The following CA10 variants were observed in gnomAD, a reference collection of about 807,000 sequenced individuals.
CA10 encodes the protein carbonic anhydrase-related protein 10.
Under a neutral mutation model 44.2 loss-of-function variants are expected in CA10, and 14 were observed. The observed-to-expected ratio is 0.32, with a 90% CI of 0.21 to 0.50. The LOEUF (loss-of-function observed/expected upper bound fraction) is 0.50, where lower values mean the gene tolerates loss of function less well. Among genes scored for constraint, CA10 ranks in the 20% least tolerant of loss-of-function variants. CA10 has a pLI of 0.99. For missense variants in CA10, 350 were observed against 409.7 expected (o/e 0.85, Z 1.26); for synonymous variants, 159 against 141.6 (o/e 1.12, Z -0.87).
chr17:51,685,533 G>A (rs1454157770), intron 4 of CA10, among the ~76,000 whole-genome samples: 1 of 152,166 alleles, frequency 6.6e-6, no homozygotes, highest in Non-Finnish European at 1.5e-5. Context: ...GCTTTTGCAG[G>A]CACCACAAAT....
At chr17:51,632,806 T>C (rs1912642741) in intron 8 of CA10, among the ~76,000 whole-genome samples, 1 of 152,108 alleles carries the variant, frequency 6.6e-6, no homozygotes, top group African/African-American at 2.4e-5. Flanking sequence ...TGTTTAGTAG[T>C]AAGCAGAAGG....
chr17:51,724,178 T>C (rs192498967), intron 4 of CA10, among the ~76,000 whole-genome samples: 1 of 152,352 alleles, frequency 6.6e-6, no homozygotes, highest in Admixed American at 6.5e-5. Flanking sequence ...GCAGTTTCTA[T>C]TACTGTCCTT....
chr17:51,953,300 A>G (rs1360686950), intron 2 of CA10, among the ~76,000 whole-genome samples: 2 of 152,142 alleles, frequency 1.3e-5, no homozygotes, highest in South Asian at 2.1e-4. Context: ...ACTCATTTTA[A>G]ATACCATCTT....
At chr17:51,738,731 G>A (rs893230159) in intron 4 of CA10, among the ~76,000 whole-genome samples, 2 of 152,116 alleles carry the variant, frequency 1.3e-5, no homozygotes, top group South Asian at 4.2e-4. Flanking sequence ...CTTGCGATGG[G>A]GCTGTGCTCA....
chr17:52,079,790 T>C (rs1219702390), intron 1 of CA10, among the ~76,000 whole-genome samples: 6 of 152,230 alleles, frequency 3.9e-5, no homozygotes, highest in Non-Finnish European at 5.9e-5. Flanking sequence ...TAGCACAATG[T>C]GTTTCATTTA....
intron 3 of CA10, among the ~76,000 whole-genome samples, chr17:51,871,430 G>A (rs1840479925): frequency 7.1e-6 from 1 of 141,572 alleles, no homozygotes; most frequent in Non-Finnish European, 1.5e-5. Context: ...AGTAGAGACG[G>A]GGCTTCACCA....
chr17:52,144,429 A>C (rs1989541531), intron 1 of CA10, among the ~76,000 whole-genome samples: 1 of 152,192 alleles, frequency 6.6e-6, no homozygotes, highest in Non-Finnish European at 1.5e-5. Context: ...ATTATATGAG[A>C]CCATATGCCT....
chr17:51,771,969 C>T (rs1184412987), intron 3 of CA10, among the ~76,000 whole-genome samples: 6 of 152,324 alleles, frequency 3.9e-5, no homozygotes, highest in South Asian at 2.1e-4. Flanking sequence ...GTATGTGCCT[C>T]ATCTGTGGCC....
In CA10 at chr17:51,635,909, A is replaced by AT; in HGVS notation, c.734dup (p.Tyr245Ter). 1 of 1,609,578 alleles carries AT rather than the reference A, an allele frequency of 6.2e-7. No homozygotes were observed. The highest frequency in any genetic ancestry group is 8.5e-7 in the Non-Finnish European group (1 of 1,177,002). The change falls in exon 7 of 9, where the codon TAT becomes TAAT. Residue 245 changes from tyrosine to a stop codon, truncating the protein, a stop_gained and frameshift_variant. Transcript: ENST00000451037. LOFTEE classifies it high-confidence loss of function. ...YDGSMTIPPC[Y>*]ETASWIIMNK... is the part of the protein sequence containing the mutation. Reference sequence around the variant, plus strand: ...TCATTATGATCCAACTTGCTGTCTCATAGCAGGGTGGGATAGTCATCGACC... The same window carrying AT: ...TCATTATGATCCAACTTGCTGTCTCATTAGCAGGGTGGGATAGTCATCGACC...
At chr17:51,879,392 C>T (rs1346734344) in intron 3 of CA10, among the ~76,000 whole-genome samples, 1 of 152,082 alleles carries the variant, frequency 6.6e-6, no homozygotes, top group Non-Finnish European at 1.5e-5. Flanking sequence ...TCTTACTGCT[C>T]CCAAGATTAT....
At chr17:51,974,167 C>T (rs563146291) in intron 2 of CA10, among the ~76,000 whole-genome samples, 12 of 152,046 alleles carry the variant, frequency 7.9e-5, no homozygotes, top group African/African-American at 2.2e-4. Context: ...AGGCAGATCA[C>T]GAGGTCAGGA....
intron 3 of CA10, among the ~76,000 whole-genome samples, chr17:51,818,189 G>A (rs761625384): frequency 5.9e-5 from 9 of 152,168 alleles, no homozygotes; most frequent in Non-Finnish European, 1.2e-4. Flanking sequence ...CAACTGTCAC[G>A]ACAGAATTGT....
At chr17:51,833,013 G>A (rs895770815) in intron 3 of CA10, among the ~76,000 whole-genome samples, 5 of 152,168 alleles carry the variant, frequency 3.3e-5, no homozygotes, top group African/African-American at 1.2e-4. Flanking sequence ...CTACAGGCAG[G>A]TCAGCACCAG....
chr17:52,101,898 CCT>C (rs1988548490), intron 1 of CA10, among the ~76,000 whole-genome samples: 2 of 152,124 alleles, frequency 1.3e-5, no homozygotes, highest in African/African-American at 4.8e-5. Context: ...TTTCTCCCTC[CCT>C]TTTTTCTTTC....
chr17:51,862,387 A>C (rs1197758589), intron 3 of CA10, among the ~76,000 whole-genome samples: 1 of 152,088 alleles, frequency 6.6e-6, no homozygotes, highest in Non-Finnish European at 1.5e-5. Context: ...CATTTAGATA[A>C]GAGAGGATTT....
intron 3 of CA10, among the ~76,000 whole-genome samples, chr17:51,780,141 T>C (rs1404045896): frequency 6.6e-6 from 1 of 152,244 alleles, no homozygotes; most frequent in Non-Finnish European, 1.5e-5. Context: ...TGGGCTTCTT[T>C]CTAGCAAAAC....
Position 51,788,899 on chromosome 17 carries a change from A to G in CA10, c.280-41081T>C, listed in dbSNP as rs1443196670. Among the ~76,000 whole-genome samples the G allele has an allele frequency of 2.0e-5, 3 of 152,218 alleles. No homozygotes were observed. In the East Asian group the frequency reaches 5.8e-4, roughly 29 times the overall value. ...AACCTACCTCAATACCTCTAGATAG[A>G]ATGTACACCTACAGAATAACTAAAT... is the stretch of plus-strand genomic sequence containing the variant. On this transcript the variant is annotated intron_variant, in intron 3 of 8. Transcript: ENST00000451037.
intron 1 of CA10, among the ~76,000 whole-genome samples, chr17:52,108,059 C>T (rs369117625): frequency 1.1e-3 from 168 of 151,698 alleles, no homozygotes; most frequent in African/African-American, 3.7e-3. Flanking sequence ...TAATTAGCCA[C>T]GCACTTATTC....
chr17:51,816,843 G>A (rs571894584), intron 3 of CA10, among the ~76,000 whole-genome samples: 3 of 152,000 alleles, frequency 2.0e-5, no homozygotes, highest in Non-Finnish European at 2.9e-5. Flanking sequence ...AGAGGACCAC[G>A]GCACAAAAAT....
Sources: allele counts gnomAD v4.1 joint callset (sites outside exome capture counted in the v4.1 genomes callset), GRCh38; gene constraint gnomAD v4.1.1; transcripts MANE v1.5; gene names NCBI Gene and HGNC (gene_info 2026-07-23, HGNC 2026-07-21).